Variants in MZT2B observed in about 807,000 individuals in gnomAD.
MZT2B encodes mitotic spindle organizing protein 2B.
In MZT2B, 11 loss-of-function variants were observed where a neutral mutation model predicts 12.1. That is an observed-to-expected ratio of 0.91 (90% CI 0.57 to 1.50). MZT2B has a LOEUF of 1.50. Ranked by LOEUF, MZT2B falls within the 40% of genes most tolerant of loss-of-function variation. The pLI is 0.00. For missense variants in MZT2B, 209 were observed against 227.7 expected (o/e 0.92, Z 0.53); for synonymous variants, 85 against 109.5 (o/e 0.78, Z 1.40).
chr2:130,181,685 C>CGCA (rs1229610366), upstream of MZT2B: 9 of 1,548,340 alleles, frequency 5.8e-6, no homozygotes, highest in East Asian at 2.2e-4. Flanking sequence ...AAGGCGCGTG[C>CGCA]GCAAAGCGAA....
At chr2:130,199,878 T>G in the MZT2B span, among the ~76,000 whole-genome samples, 5 of 151,074 alleles carry the variant, frequency 3.3e-5, no homozygotes, top group Non-Finnish European at 7.4e-5. Context: ...GGAGGATCAC[T>G]TGAGGTCAGG....
chr2:130,191,737 CAG>C, downstream of MZT2B: 1 of 1,539,094 alleles, frequency 6.5e-7, no homozygotes, highest in Non-Finnish European at 8.8e-7. Flanking sequence ...GCATGACACT[CAG>C]AGGTCTTGGT....
At chr2:130,193,174 G>C (rs1333620520), downstream of MZT2B, among the ~76,000 whole-genome samples, 3 of 151,982 alleles carry the variant, frequency 2.0e-5, no homozygotes, top group East Asian at 5.8e-4. Context: ...AGAATCGCTA[G>C]AGTCTGGGAG....
At chr2:130,190,335 A>T in intron 2 of MZT2B, 134 bp from the exon 3 acceptor site, 2 of 1,373,304 alleles carry the variant, frequency 1.5e-6, no homozygotes, top group Non-Finnish European at 2.0e-6. Flanking sequence ...CTTGGGGCTG[A>T]TGCAGGGCCT....
At chr2:130,190,764 T>TTTA, downstream of MZT2B, 4 of 1,420,390 alleles carry the variant, frequency 2.8e-6, no homozygotes, top group Non-Finnish European at 3.7e-6. Context: ...GTTTTTTTTT[T>TTTA]TATATTAAGG....
In MZT2B at chr2:130,190,602, G is replaced by C. The variant is rs201764725; in HGVS notation, c.453G>C (p.Lys151Asn). 7.4e-6 allele frequency: 12 copies of C among 1,612,642 alleles called. No homozygotes were observed. The South Asian group carries it at 1.3e-4, about 18-fold the overall frequency. ...TRLPKGGGPG[K>N]SPTRGST ...TGCCCAAGGGGGGCGGGCCTGGGAA[G>C]AGCCCTACACGGGGCAGCACCTAGG... The change falls in exon 3 of 3, where the codon AAG becomes AAC. Residue 151 changes from lysine to asparagine, a missense_variant. By Grantham distance (94) the Lys-to-Asn change is moderately conservative. Coordinates refer to ENST00000281871, the MANE Select transcript of MZT2B (RefSeq NM_025029.5).
upstream of MZT2B, chr2:130,182,147 G>C: frequency 8.0e-7 from 1 of 1,257,022 alleles, no homozygotes. Flanking sequence ...CGCGGAGGCG[G>C]CCCCGTCCCC....
At position 130,183,259 on chromosome 2, in the gene MZT2B, C is replaced by T. The variant is rs563753544; in HGVS notation, c.319+484C>T. ...GTGGTATACAGCATCCAGGGAAGTGCCCAGGGACCAGGGCAGGCAGAGGTC... is the reference window on the plus strand; with the variant it reads ...GTGGTATACAGCATCCAGGGAAGTGTCCAGGGACCAGGGCAGGCAGAGGTC... On this transcript the variant is annotated intron_variant, in intron 2 of 2. Transcript: ENST00000281871. 3.4e-5 allele frequency: 9 copies of T among 267,658 alleles called. 1 individual carries two copies. The South Asian group carries it at 3.5e-4, about 10-fold the overall frequency. 16.6% of individuals were successfully genotyped at this position (267,658 alleles called of 1,614,324 possible). A position where few individuals can be genotyped will look rare whatever the true frequency, so the allele number is the denominator to read the frequency against.
chr2:130,181,826 T>G, upstream of MZT2B: 1 of 1,543,832 alleles, frequency 6.5e-7, no homozygotes, highest in Admixed American at 2.0e-5. Context: ...GGAATCCGCG[T>G]GCGCGTAAGC....
At chr2:130,182,227 G>A (rs1689721822), upstream of MZT2B, 3 of 1,230,302 alleles carry the variant, frequency 2.4e-6, no homozygotes, top group Admixed American at 8.7e-5. Flanking sequence ...AGGGTGGTGG[G>A]CGCAGCCGCT....
At chr2:130,198,336 G>A in the MZT2B span, 2 of 1,353,462 alleles carry the variant, frequency 1.5e-6, no homozygotes, top group South Asian at 2.7e-5. Flanking sequence ...CATCTGCGGG[G>A]CGGGAGTGAC....
At chr2:130,182,495 C>G in intron 1 of MZT2B, 43 bp downstream of exon 1, 1 of 1,540,884 alleles carries the variant, frequency 6.5e-7, no homozygotes, top group Non-Finnish European at 8.8e-7. Flanking sequence ...CAGACACCCC[C>G]CGACCTCTGC....
chr2:130,191,326 G>A (rs1223191854), downstream of MZT2B, among the ~76,000 whole-genome samples: 3 of 152,006 alleles, frequency 2.0e-5, no homozygotes, highest in African/African-American at 2.4e-5. Context: ...TGTGGGTCAC[G>A]AATGCTGTGT....
downstream of MZT2B, chr2:130,194,510 C>T (rs1215076593): frequency 6.0e-6 from 9 of 1,509,698 alleles, no homozygotes; most frequent in Non-Finnish European, 7.1e-6. Flanking sequence ...GTGGAAGCCA[C>T]ACCACCAACC....
At chr2:130,182,831 G>A (rs1689817355) in intron 2 of MZT2B, 56 bp downstream of exon 2, 4 of 1,404,758 alleles carry the variant, frequency 2.8e-6, no homozygotes, top group South Asian at 2.8e-5. Flanking sequence ...GGCGGGGAGG[G>A]GGCAGGCGCG....
chr2:130,202,657 G>A, the MZT2B span, among the ~76,000 whole-genome samples: 1 of 152,170 alleles, frequency 6.6e-6, no homozygotes, highest in South Asian at 2.1e-4. Context: ...TCCTTGCCAT[G>A]GGTGCCTTTC....
chr2:130,189,811 C>T (rs1183859299), intron 2 of MZT2B, among the ~76,000 whole-genome samples: 1 of 152,148 alleles, frequency 6.6e-6, no homozygotes, highest in African/African-American at 2.4e-5. Context: ...GGTCTTCATC[C>T]AAGAGAGCCT....
intron 1 of MZT2B, 31 bp downstream of exon 1, chr2:130,182,483 GC>G (rs1188484691): frequency 3.9e-6 from 6 of 1,540,600 alleles, no homozygotes; most frequent in African/African-American, 2.7e-5. Flanking sequence ...CCGCATGCTA[GC>G]CAGACACCCC....
chr2:130,202,133 T>C, the MZT2B span, among the ~76,000 whole-genome samples: 2 of 152,190 alleles, frequency 1.3e-5, no homozygotes, highest in Non-Finnish European at 2.9e-5. Flanking sequence ...GATTCCATAA[T>C]TGACTTGCAG....
Sources: gnomAD v4.1 joint callset for allele counts (sites outside exome capture counted in the v4.1 genomes callset) on GRCh38, gnomAD v4.1.1 for gene constraint, MANE v1.5 for transcripts, NCBI Gene and HGNC (gene_info 2026-07-23, HGNC 2026-07-21) for gene names.